Variants in SFTPC observed in about 807,000 individuals in gnomAD.
SFTPC encodes BRICHOS domain containing 6.
SFTPC carries 12 observed loss-of-function variants against 19.9 expected under a neutral mutation model. The observed-to-expected ratio is 0.60, with a 90% CI of 0.39 to 0.98. The LOEUF (loss-of-function observed/expected upper bound fraction) is 0.98, where lower values mean the gene tolerates loss of function less well. Among genes scored for constraint, SFTPC ranks in the 50% least tolerant of loss-of-function variants. The pLI, the probability that SFTPC is intolerant of heterozygous loss-of-function variation, is 0.00. For missense variants in SFTPC, 219 were observed against 252.2 expected, an observed-to-expected ratio of 0.87 and a Z score of 0.89; for synonymous variants, 123 against 103.3, an observed-to-expected ratio of 1.19 and a Z score of -1.16.
In SFTPC at chr8:22,164,287, G is replaced by T. The variant is rs543423602; in HGVS notation, c.*40G>T. 1.2e-5 allele frequency: 19 copies of T among 1,536,190 alleles called. No homozygotes were observed. The East Asian group carries it at 4.6e-4, about 38-fold the overall frequency. ...ACAGGGTCAGTGGAAGCCCCAACGG[G>T]AAAGGAAACGCCCCGGGCAAAGGGT... On this transcript the variant is annotated 3_prime_UTR_variant, in exon 6 of 6. Transcript: ENST00000679463.
chr8:22,159,696 C>T, upstream of SFTPC: 1 of 960,838 alleles, frequency 1.0e-6, no homozygotes, highest in Non-Finnish European at 1.5e-6. Flanking sequence ...CCTCTCCCAG[C>T]ACCCAGCGAT....
At chr8:22,159,465 C>A (rs1455297488), upstream of SFTPC, 2 of 327,404 alleles carry the variant, frequency 6.1e-6, no homozygotes, top group Admixed American at 4.5e-5. Context: ...TCTGTGTCTC[C>A]TTCTCCAAGG....
intron 5 of SFTPC, 45 bp from the exon 6 acceptor site, chr8:22,164,221 C>A (rs1827936076): frequency 6.6e-7 from 1 of 1,516,148 alleles, no homozygotes; most frequent in Non-Finnish European, 8.8e-7. Context: ...ACTTCCCACT[C>A]CCCTGATTCT....
intron 1 of SFTPC, among the ~76,000 whole-genome samples, chr8:22,162,276 A>G (rs1184294396): frequency 6.6e-6 from 1 of 152,046 alleles, no homozygotes; most frequent in Non-Finnish European, 1.5e-5. Flanking sequence ...TCACTTGGGG[A>G]GAGAGAGGGG....
Position 22,162,646 on chromosome 8 carries a change from G to A in SFTPC, c.115G>A (p.Val39Met), listed in dbSNP as rs183533911. The A allele has an allele frequency of 4.6e-5, 74 of 1,608,710 alleles. No homozygotes were observed. Among genetic ancestry groups the A allele is most frequent in the East Asian group, 3.1e-4 (14 of 44,790 alleles). The change falls in exon 2 of 6, where the codon GTG becomes ATG. Residue 39 changes from valine (V) to methionine (M), a missense_variant. Coordinates refer to ENST00000679463, the MANE Select transcript of SFTPC (RefSeq NM_001317778.2). ...AGTGCACCTGAAACGCCTTCTTATC[G>A]TGGTGGTGGTGGTGGTCCTCATCGT... ...CPVHLKRLLI[V>M]VVVVVLIVVV...
intron 5 of SFTPC, 66 bp downstream of exon 5, chr8:22,164,125 G>A (rs1563226430): frequency 1.3e-6 from 2 of 1,597,722 alleles, no homozygotes; most frequent in Non-Finnish European, 8.5e-7. Flanking sequence ...GGCTGTGGAG[G>A]AGCGCTCGCG....
Position 22,164,364 on chromosome 8 carries a change from G to A in SFTPC, c.*117G>A, listed in dbSNP as rs1036347135. The A allele has an allele frequency of 1.0e-5, 16 of 1,535,634 alleles. No individual in the cohort carries two copies. Among genetic ancestry groups the A allele is most frequent in the African/African-American group, 1.4e-5 (1 of 73,036 alleles). On this transcript the variant is annotated 3_prime_UTR_variant, in exon 6 of 6. Coordinates refer to ENST00000679463, the MANE Select transcript of SFTPC (RefSeq NM_001317778.2). ...GAAGCTGCTTCTGCCCACACCGCAG[G>A]GACAAGCCCTGGAGAAATGGGAGCT...
chr8:22,160,228 G>A (rs941111232), upstream of SFTPC, among the ~76,000 whole-genome samples: 2 of 152,212 alleles, frequency 1.3e-5, no homozygotes, highest in African/African-American at 2.4e-5. Flanking sequence ...TCCAGATGGA[G>A]AGGGGGACAG....
chr8:22,161,667 TC>T, upstream of SFTPC: 1 of 1,597,634 alleles, frequency 6.3e-7, no homozygotes, highest in Non-Finnish European at 8.5e-7. Context: ...TATCTGGGCT[TC>T]GGTTCTGGAG....
At chr8:22,159,255 G>C (rs8192312), upstream of SFTPC, among the ~76,000 whole-genome samples, 75,104 of 152,070 alleles carry the variant, frequency 0.49, 19,054 homozygotes, top group East Asian at 0.77. Context: ...CCACTGCACT[G>C]CAGCTTGGGT....
upstream of SFTPC, chr8:22,159,899 C>CG (rs1563216759): frequency 1.6e-6 from 1 of 619,132 alleles, no homozygotes; most frequent in Non-Finnish European, 2.6e-6. Context: ...ATGATGGGGG[C>CG]GGGAGTAAGG....
At chr8:22,159,807 C>A (rs1242645355), upstream of SFTPC, 1 of 1,289,340 alleles carries the variant, frequency 7.8e-7, no homozygotes, top group Non-Finnish European at 1.0e-6. Flanking sequence ...GCCTGCAGTG[C>A]TTGGCTCTCC....
chr8:22,158,438 C>T (rs551458567), upstream of SFTPC, among the ~76,000 whole-genome samples: 1 of 152,178 alleles, frequency 6.6e-6, no homozygotes, highest in African/African-American at 2.4e-5. Flanking sequence ...CTTGTCCCCA[C>T]CCCTGCAGCT....
At chr8:22,164,146 G>T in intron 5 of SFTPC, 87 bp downstream of exon 5, 1 of 1,566,700 alleles carries the variant, frequency 6.4e-7, no homozygotes, top group Non-Finnish European at 8.6e-7. Context: ...CTGACCAGGC[G>T]CTGGGGCGTC....
At chr8:22,162,986 A>G in intron 2 of SFTPC, 94 bp from the exon 3 acceptor site, 2 of 1,349,502 alleles carry the variant, frequency 1.5e-6, no homozygotes, top group Non-Finnish European at 2.1e-6. Context: ...GAAAGAGGGA[A>G]GCGCATTTGA....
rs1353936839 is a variant in SFTPC at position 22,164,422 on chromosome 8, C to T, written c.*175C>T. 4 of 1,496,180 alleles carry T rather than the reference C, an allele frequency of 2.7e-6. No homozygotes were observed. The highest frequency in any genetic ancestry group is 2.5e-5 in the South Asian group (2 of 79,016). The allele number at this position is 1,496,180 out of a possible 1,614,324, so 92.7% of individuals were successfully genotyped here. ...AGGATGGGAGTGGGCAGAGGTGGCGCCCAGGGGCCCGGGAACTCCTGCCAC... is the reference window on the plus strand; with the variant it reads ...AGGATGGGAGTGGGCAGAGGTGGCGTCCAGGGGCCCGGGAACTCCTGCCAC... On this transcript the variant is annotated 3_prime_UTR_variant, in exon 6 of 6. Coordinates refer to ENST00000679463, the MANE Select transcript of SFTPC (RefSeq NM_001317778.2).
At position 22,163,376 on chromosome 8, in the gene SFTPC, C is replaced by G. The variant is rs558150674; in HGVS notation, c.325-60C>G. 4.4e-5 allele frequency: 68 copies of G among 1,536,788 alleles called. 1 individual carries two copies. In the South Asian group the frequency reaches 5.9e-4, roughly 13 times the overall value. On this transcript the variant is annotated intron_variant, in intron 3 of 5. Transcript: ENST00000679463. Reference sequence around the variant, plus strand: ...AACCTAGAGGGAGGTGGCTAAGGACCTGGGTCAGGGAGAGAGCAGGGCAGG... The same window carrying G: ...AACCTAGAGGGAGGTGGCTAAGGACGTGGGTCAGGGAGAGAGCAGGGCAGG...
chr8:22,163,366 G>T, intron 3 of SFTPC, 70 bp from the exon 4 acceptor site: 1 of 1,512,408 alleles, frequency 6.6e-7, no homozygotes, highest in Non-Finnish European at 9.2e-7. Context: ...AGAGGGAGGT[G>T]GCTAAGGACC....
upstream of SFTPC, chr8:22,161,668 C>T (rs76324979): frequency 2.6e-4 from 422 of 1,597,540 alleles, 1 homozygote; most frequent in African/African-American, 2.7e-3. Flanking sequence ...ATCTGGGCTT[C>T]GGTTCTGGAG....
Sources: allele counts gnomAD v4.1 joint callset (sites outside exome capture counted in the v4.1 genomes callset), GRCh38; gene constraint gnomAD v4.1.1; transcripts MANE v1.5; gene names NCBI Gene and HGNC (gene_info 2026-07-23, HGNC 2026-07-21).